The following DENND3 variants were observed in gnomAD, a reference collection of about 807,000 sequenced individuals.
DENND3 encodes DENN domain-containing protein 3.
A neutral mutation model predicts 135.1 loss-of-function variants in DENND3; 88 were observed. The observed-to-expected ratio is 0.65, with a 90% confidence interval of 0.55 to 0.78. The LOEUF is 0.78. Ranked by LOEUF, DENND3 falls within the 30% of genes least tolerant of loss-of-function variation. The probability of loss-of-function intolerance (pLI) is 0.00; values close to 1 mark genes in which losing one functional copy is unlikely to be tolerated. For synonymous variants in DENND3, 693 were observed against 712.3 expected, an observed-to-expected ratio of 0.97 and a Z score of 0.43; for missense variants, 1,392 against 1,688.4, an observed-to-expected ratio of 0.82 and a Z score of 3.08.
Position 141,152,460 on chromosome 8 carries a change from C to T in DENND3, c.1074+623C>T, listed in dbSNP as rs548320896. ...CTGGGTTTGCCGGTTCTGGACCTCT[C>T]GTGGGAACAGAGTTGCTCCATGCGC... On this transcript the variant is annotated intron_variant, in intron 7 of 22. Transcript: ENST00000519811. Among the ~76,000 whole-genome samples, 17 of 152,300 alleles carry T rather than the reference C, an allele frequency of 1.1e-4. No homozygotes were observed. The South Asian group carries it at 1.2e-3, about 11-fold the overall frequency.
rs767441382 is a variant in DENND3 at position 141,175,553 on chromosome 8, A to G, written c.2535+94A>G. The G allele has an allele frequency of 6.3e-7, 1 of 1,596,016 alleles. No individual in the cohort carries two copies. The highest frequency in any genetic ancestry group is 1.1e-5 in the South Asian group (1 of 89,870). On this transcript the variant is annotated intron_variant, in intron 14 of 22. Coordinates refer to ENST00000519811, the MANE Select transcript of DENND3 (RefSeq NM_001352890.3). The surrounding 1 kb of genome is among the most constrained non-coding windows in gnomAD (Gnocchi z 5.4). ...CCTGAGCAGTCTGCCAGCCATGCCA[A>G]GTACCAGCTGCAGCCCTTCTGCAGA...
At position 141,176,760 on chromosome 8, in the gene DENND3, A is replaced by G; in HGVS notation, c.2705A>G (p.Lys902Arg). Residue 902 changes from lysine (K) to arginine (R), a missense_variant and splice_region_variant, in exon 15 of 23, where the codon AAG becomes AGG. Physicochemically the swap from Lys to Arg is conservative, Grantham distance 26. Coordinates refer to ENST00000519811, the MANE Select transcript of DENND3 (RefSeq NM_001352890.3). ...GGGAAGAAGCTGGCCGATGACCACA[A>G]GGTGGGAGACGCGGGTCCCCTCTGC... ...WAGKKLADDH[K>R]DPHYVQQALT... 6.2e-7 allele frequency: 1 copy of G among 1,612,692 alleles called. No homozygotes were observed. Among genetic ancestry groups the G allele is most frequent in the Non-Finnish European group, 8.5e-7 (1 of 1,178,976 alleles).
chr8:141,179,263 T>C (rs1822790515), intron 16 of DENND3, among the ~76,000 whole-genome samples: 1 of 152,260 alleles, frequency 6.6e-6, no homozygotes, highest in Admixed American at 6.5e-5. Flanking sequence ...AAGGAGCTTT[T>C]GTCTGACAGT....
In DENND3 at chr8:141,185,288, C is replaced by T. The variant is rs368912344; in HGVS notation, c.3084+10C>T. 3.8e-5 allele frequency: 61 copies of T among 1,613,860 alleles called. No homozygotes were observed. The highest frequency in any genetic ancestry group is 2.7e-4 in the African/African-American group (20 of 75,028). On this transcript the variant is annotated intron_variant, in intron 18 of 22. Coordinates refer to ENST00000519811, the MANE Select transcript of DENND3 (RefSeq NM_001352890.3). ...GGGCACTGCAAAAGTGGTGAGTACA[C>T]GAAGCGTCAGGAAAGAAGCCTCTGA...
chr8:141,153,434 C>T (rs1034031931), intron 7 of DENND3, among the ~76,000 whole-genome samples: 9 of 152,224 alleles, frequency 5.9e-5, no homozygotes, highest in African/African-American at 2.2e-4. Context: ...AATAGAAGAA[C>T]ACAGCGTGTG....
intron 5 of DENND3, chr8:141,150,137 G>A (rs913906676): frequency 2.7e-5 from 9 of 333,052 alleles, no homozygotes; most frequent in South Asian, 1.2e-4. Flanking sequence ...TTTGGGTGCC[G>A]AGCTGGGCAC....
chr8:141,144,317 T>C lies in DENND3; in HGVS notation c.735+58T>C, dbSNP rs1452883513. On this transcript the variant is annotated intron_variant, in intron 5 of 22. Coordinates refer to ENST00000519811, the MANE Select transcript of DENND3 (RefSeq NM_001352890.3). The surrounding 1 kb of genome is among the most constrained non-coding windows in gnomAD (Gnocchi z 4.4). ...TTTGCAAATAGTAAAAGTAAGATGT[T>C]GAAGATAATGTAAATGCTCACAACT... The C allele has an allele frequency of 5.5e-6, 8 of 1,443,678 alleles. No individual in the cohort carries two copies. Among genetic ancestry groups the C allele is most frequent in the Non-Finnish European group, 2.9e-6 (3 of 1,051,096 alleles). 89.4% of individuals were successfully genotyped at this position (1,443,678 alleles called of 1,614,324 possible).
Position 141,144,215 on chromosome 8 carries a change from A to C in DENND3, c.691A>C (p.Lys231Gln). The change falls in exon 5 of 23, where the codon AAG becomes CAG. Residue 231 changes from lysine to glutamine, a missense_variant. Physicochemically the swap from Lys to Gln is moderately conservative, Grantham distance 53. Coordinates refer to ENST00000519811, the MANE Select transcript of DENND3 (RefSeq NM_001352890.3). The surrounding 1 kb of genome is among the most constrained non-coding windows in gnomAD (Gnocchi z 4.4). ...CAGTCATATAAAAGATTTCGCTGCG[A>C]AGCTGTCTTTAATACCCAGCCCGCC... ...VDSHIKDFAA[K>Q]LSLIPSPPPG... 1.2e-6 allele frequency: 2 copies of C among 1,614,024 alleles called. No homozygotes were observed. The highest frequency in any genetic ancestry group is 1.7e-6 in the Non-Finnish European group (2 of 1,179,976).
At chr8:141,153,115 A>G (rs1819009529) in intron 7 of DENND3, among the ~76,000 whole-genome samples, 1 of 133,350 alleles carries the variant, frequency 7.5e-6, no homozygotes, top group African/African-American at 3.0e-5. Context: ...TTTTTTTGAG[A>G]CAGAGTCTCG....
At chr8:141,134,734 CGT>C (rs1569554849) in intron 1 of DENND3, among the ~76,000 whole-genome samples, 2 of 152,086 alleles carry the variant, frequency 1.3e-5, no homozygotes, top group Non-Finnish European at 2.9e-5. Context: ...TTTCTTCCAG[CGT>C]AAGACTCCCC....
Position 141,151,684 on chromosome 8 carries a change from G to T in DENND3, c.921G>T (p.Thr307=). Residue 307 remains threonine (T), a synonymous_variant, in exon 7 of 23, where the codon ACG becomes ACT. Transcript: ENST00000519811. The stretch of plus-strand genomic sequence containing the variant: ...TCTCCTCGGACTGGGCTCTGCTGAC[G>T]CTGGTCACTGAGTGCTTCATGGCCT... The part of the protein sequence containing the change: ...VFFSSDWALL[T]LVTECFMAYL... 1 of 1,614,040 alleles carries T rather than the reference G, an allele frequency of 6.2e-7. No individual in the cohort carries two copies. Among genetic ancestry groups the T allele is most frequent in the African/African-American group, 1.3e-5 (1 of 74,990 alleles).
rs967850862 is a variant in DENND3, at chr8:141,168,762, G to T, written c.2275+237G>T. 6.6e-6 allele frequency among the ~76,000 whole-genome samples: 1 copy of T among 152,044 alleles called. No individual in the cohort carries two copies. The highest frequency in any genetic ancestry group is 2.4e-5 in the African/African-American group (1 of 41,388). On this transcript the variant is annotated intron_variant, in intron 13 of 22. Coordinates refer to ENST00000519811, the MANE Select transcript of DENND3 (RefSeq NM_001352890.3). The surrounding 1 kb of genome is among the most constrained non-coding windows in gnomAD (Gnocchi z 6.2). ...GACAGGGTTTCAGTATGTTGCCCAG[G>T]CTGGTCTCGAACTCCTGGGCTCAAG... is the stretch of plus-strand genomic sequence containing the variant.
Position 141,174,956 on chromosome 8 carries a change from C to T in DENND3, c.2276-244C>T, listed in dbSNP as rs766567236. 3.9e-5 allele frequency among the ~76,000 whole-genome samples: 6 copies of T among 152,294 alleles called. No homozygotes were observed. Among genetic ancestry groups the T allele is most frequent in the Middle Eastern group, 3.4e-3 (1 of 294 alleles). Reference sequence around the variant, plus strand: ...GGTCCCGTGGCCATCCCAGAGCGGGCGGCTGGAAAGGGCTGCGGGCTCAGC... The same window carrying T: ...GGTCCCGTGGCCATCCCAGAGCGGGTGGCTGGAAAGGGCTGCGGGCTCAGC... On this transcript the variant is annotated intron_variant, in intron 13 of 22. Coordinates refer to ENST00000519811, the MANE Select transcript of DENND3 (RefSeq NM_001352890.3). This position sits in a 1 kb window ranked among gnomAD's most constrained non-coding sequence, Gnocchi z 4.6.
At chr8:141,173,023 TGGCTGAGGCACCCCAGTCAGAGGC>T (rs1821841076) in intron 13 of DENND3, among the ~76,000 whole-genome samples, 1 of 149,512 alleles carries the variant, frequency 6.7e-6, no homozygotes, top group Non-Finnish European at 1.5e-5. Context: ...GAGGCGGAGG[TGGCTGAGGCACCCCAGTCAGAGGC>T]GGAGGTGGCT....
Position 141,139,488 on chromosome 8 carries a change from C to T in DENND3, c.501+1351C>T, listed in dbSNP as rs1025383551. On this transcript the variant is annotated intron_variant, in intron 3 of 22. Transcript: ENST00000519811. The surrounding 1 kb of genome is among the most constrained non-coding windows in gnomAD (Gnocchi z 4.2). ...GCGGTGCATGCAGGGGACCAGCGTC[C>T]GCCTCTGTGACCTGGCTGCCAGCAG... Among the ~76,000 whole-genome samples, 3 of 152,172 alleles carry T rather than the reference C, an allele frequency of 2.0e-5. No individual in the cohort carries two copies. Among genetic ancestry groups the T allele is most frequent in the Admixed American group, 6.5e-5 (1 of 15,284 alleles).
chr8:141,184,919 C>A, intron 17 of DENND3: 2 of 523,228 alleles, frequency 3.8e-6, no homozygotes, highest in Non-Finnish European at 6.7e-6. Flanking sequence ...GCGGCTCTGA[C>A]CCTGTCTTTG....
intron 1 of DENND3, among the ~76,000 whole-genome samples, chr8:141,134,849 CT>C (rs911231225): frequency 4.0e-5 from 6 of 151,812 alleles, no homozygotes; most frequent in Admixed American, 1.3e-4. Flanking sequence ...TCCTTTCTTC[CT>C]TACGGAGTCT....
At position 141,194,250 on chromosome 8, in the gene DENND3, C is replaced by CAAGT; in HGVS notation, c.*18_*21dup. On this transcript the variant is annotated 3_prime_UTR_variant, in exon 23 of 23. Coordinates refer to ENST00000519811, the MANE Select transcript of DENND3 (RefSeq NM_001352890.3). ...GGCGAATAAACGTGGCTGAGTCTGC[C>CAAGT]AAGTGGAACTGTGCCCTATGTGTGG... 1 of 1,608,004 alleles carries CAAGT rather than the reference C, an allele frequency of 6.2e-7. No homozygotes were observed. The highest frequency in any genetic ancestry group is 8.5e-7 in the Non-Finnish European group (1 of 1,178,288).
chr8:141,141,452 G>C lies in DENND3; in HGVS notation c.623+128G>C. On this transcript the variant is annotated intron_variant, in intron 4 of 22. Coordinates refer to ENST00000519811, the MANE Select transcript of DENND3 (RefSeq NM_001352890.3). This position sits in a 1 kb window ranked among gnomAD's most constrained non-coding sequence, Gnocchi z 5.3. ...CTCTGTTCCTCTCCTGGTGAGCCGGGGGACCGGGCGCTGGGGGCAGTAGGA... is the reference window on the plus strand; with the variant it reads ...CTCTGTTCCTCTCCTGGTGAGCCGGCGGACCGGGCGCTGGGGGCAGTAGGA... The C allele has an allele frequency of 8.3e-7, 1 of 1,206,254 alleles. No individual in the cohort carries two copies. The highest frequency in any genetic ancestry group is 2.9e-4 in the Middle Eastern group (1 of 3,492). 74.7% of individuals were successfully genotyped at this position (1,206,254 alleles called of 1,614,324 possible).
Sources: allele counts gnomAD v4.1 joint callset (sites outside exome capture counted in the v4.1 genomes callset), GRCh38; gene constraint gnomAD v4.1.1; non-coding constraint Gnocchi (gnomAD v3.1); transcripts MANE v1.5; gene names NCBI Gene and HGNC (gene_info 2026-07-23, HGNC 2026-07-21).